Variants in TEC observed in about 807,000 individuals in gnomAD.
The protein encoded by TEC is tec protein tyrosine kinase.
Under a neutral mutation model 93.0 loss-of-function variants are expected in TEC, and 72 were observed. The ratio of observed to expected loss-of-function variants is 0.77; its 90% confidence interval spans 0.64 to 0.94. The LOEUF is 0.94. Among genes scored for constraint, TEC ranks in the 40% least tolerant of loss-of-function variants. The pLI, the probability that TEC is intolerant of heterozygous loss-of-function variation, is 0.00. For synonymous variants in TEC, 249 were observed against 247.7 expected (o/e 1.01, Z -0.05); for missense variants, 630 against 757.9 (o/e 0.83, Z 1.98).
intron 12 of TEC, 65 bp from the exon 13 acceptor site, chr4:48,145,644 G>A: frequency 4.5e-6 from 7 of 1,554,434 alleles, no homozygotes; most frequent in Non-Finnish European, 6.1e-6. Context: ...TCAGAGAGGG[G>A]GAAAAAGAAC....
intron 6 of TEC, 92 bp downstream of exon 6, chr4:48,168,494 C>T (rs908958405): frequency 7.5e-6 from 10 of 1,330,952 alleles, no homozygotes; most frequent in Admixed American, 1.9e-5. Context: ...ATGAATAAAC[C>T]GCATACTCAG....
At chr4:48,169,151 C>A (rs1393570806) in intron 5 of TEC, among the ~76,000 whole-genome samples, 1 of 152,064 alleles carries the variant, frequency 6.6e-6, no homozygotes, top group Admixed American at 6.5e-5. Context: ...CATGGGCATC[C>A]TTGACCCCCT....
intron 2 of TEC, among the ~76,000 whole-genome samples, chr4:48,220,378 T>C (rs1577650115): frequency 1.3e-5 from 2 of 151,262 alleles, no homozygotes; most frequent in Non-Finnish European, 2.9e-5. Context: ...TGGTGGGAGG[T>C]GGTTTGGGTC....
At chr4:48,168,322 C>T (rs1230513746) in intron 6 of TEC, among the ~76,000 whole-genome samples, 1 of 152,162 alleles carries the variant, frequency 6.6e-6, no homozygotes, top group Non-Finnish European at 1.5e-5. Flanking sequence ...CTTAATACAA[C>T]TCTTTAAGTG....
intron 1 of TEC, among the ~76,000 whole-genome samples, chr4:48,251,347 T>C (rs886479641): frequency 1.3e-5 from 2 of 152,174 alleles, no homozygotes; most frequent in Non-Finnish European, 1.5e-5. Context: ...CATTTCTCTC[T>C]TGCAGTTTTC....
At chr4:48,207,933 TTGAA>T (rs1328574290) in intron 2 of TEC, among the ~76,000 whole-genome samples, 1 of 152,108 alleles carries the variant, frequency 6.6e-6, no homozygotes, top group Non-Finnish European at 1.5e-5. Context: ...GAAGAGGAAA[TTGAA>T]TGAAAGAGAA....
rs868029204 is a variant in TEC at position 48,179,358 on chromosome 4, A to C, written c.139-3172T>G. 6.0e-3 allele frequency among the ~76,000 whole-genome samples: 215 copies of C among 35,950 alleles called. 5 individuals carry two copies. Among genetic ancestry groups the C allele is most frequent in the African/African-American group, 0.024 (194 of 8,162 alleles). 23.6% of individuals were successfully genotyped at this position (35,950 alleles called of 152,430 possible). ...GGGTAGTATATATATATATATATATATATATATATATATATATATTTTTTT... is the reference window on the plus strand; with the variant it reads ...GGGTAGTATATATATATATATATATCTATATATATATATATATATTTTTTT... On this transcript the variant is annotated intron_variant, in intron 2 of 17. Transcript: ENST00000381501.
intron 15 of TEC, among the ~76,000 whole-genome samples, chr4:48,139,606 C>T (rs1560370075): frequency 6.6e-6 from 1 of 152,172 alleles, no homozygotes; most frequent in Non-Finnish European, 1.5e-5. Flanking sequence ...CAAAACAATA[C>T]TATATAATTT....
At chr4:48,194,050 C>T (rs1300070246) in intron 2 of TEC, among the ~76,000 whole-genome samples, 2 of 152,160 alleles carry the variant, frequency 1.3e-5, no homozygotes, top group East Asian at 1.9e-4. Context: ...ATTCCCACCC[C>T]ACCTCCTGGT....
intron 2 of TEC, among the ~76,000 whole-genome samples, chr4:48,183,543 T>C (rs1721680802): frequency 6.6e-6 from 1 of 152,208 alleles, no homozygotes; most frequent in Admixed American, 6.5e-5. Context: ...AGCGAACTCT[T>C]TTCTTAAAGC....
In TEC at chr4:48,265,374, G is replaced by GAT. The variant is rs769471632; in HGVS notation, c.-46+4376_-46+4377dup. Among the ~76,000 whole-genome samples, 730 of 145,302 alleles carry GAT rather than the reference G, an allele frequency of 5.0e-3. 8 individuals are homozygous for GAT. The highest frequency in any genetic ancestry group is 0.011 in the Middle Eastern group (3 of 272). ...AGGGGGAAAAATTACCAATGAGATA[G>GAT]ATATATATATATATGTGTGTGTATA... On this transcript the variant is annotated intron_variant, in intron 1 of 17. Coordinates refer to ENST00000381501, the MANE Select transcript of TEC (RefSeq NM_003215.3).
At chr4:48,216,449 G>A (rs564495252) in intron 2 of TEC, among the ~76,000 whole-genome samples, 21 of 152,228 alleles carry the variant, frequency 1.4e-4, no homozygotes, top group African/African-American at 4.8e-4. Flanking sequence ...GTAGTTCATA[G>A]CATAAAAGGA....
intron 1 of TEC, among the ~76,000 whole-genome samples, chr4:48,265,052 G>C (rs1724597166): frequency 6.6e-6 from 1 of 151,910 alleles, no homozygotes; most frequent in Admixed American, 6.6e-5. Context: ...CAAATGAAAA[G>C]ACAAAAGCCG....
At chr4:48,227,641 C>CAAAA (rs34047322) in intron 2 of TEC, among the ~76,000 whole-genome samples, 6 of 84,288 alleles carry the variant, frequency 7.1e-5, no homozygotes, top group African/African-American at 8.5e-5. Flanking sequence ...GACACTGTCT[C>CAAAA]AAAAAAAAAA....
chr4:48,194,831 T>C (rs1184006546), intron 2 of TEC, among the ~76,000 whole-genome samples: 2 of 152,212 alleles, frequency 1.3e-5, no homozygotes, highest in Non-Finnish European at 2.9e-5. Context: ...CCATGGGTTT[T>C]TGTGGGTTTA....
At chr4:48,170,959 G>C (rs989872113) in intron 4 of TEC, among the ~76,000 whole-genome samples, 1 of 152,078 alleles carries the variant, frequency 6.6e-6, no homozygotes, top group South Asian at 2.1e-4. Context: ...GCTGAGGCAG[G>C]AGAATCGCTT....
chr4:48,201,958 T>TA lies in TEC; in HGVS notation c.139-25773_139-25772insT, dbSNP rs1374113567. On this transcript the variant is annotated intron_variant, in intron 2 of 17. Coordinates refer to ENST00000381501, the MANE Select transcript of TEC (RefSeq NM_003215.3). ...TTCCAAAGTACTGTGGCTTATTTTT[T>TA]TTTTTTTTTTTTTTTTGAGACAGAG... Among the ~76,000 whole-genome samples the TA allele has an allele frequency of 1.5e-4, 22 of 145,570 alleles. No individual in the cohort carries two copies. In the South Asian group the frequency reaches 3.4e-3, roughly 22 times the overall value.
chr4:48,145,490 C>T lies in TEC; in HGVS notation c.1171G>A (p.Ala391Thr), dbSNP rs1719868798. The change falls in exon 13 of 18, where the codon GCC (alanine) becomes ACC (threonine). Residue 391 changes from alanine (A) to threonine (T), a missense_variant. Physicochemically the swap from Ala to Thr is moderately conservative, Grantham distance 58. Around this residue, in one of 3 missense-constraint regions of TEC, gnomAD observed 289 missense variants for 390.0 expected, o/e 0.74. Coordinates refer to ENST00000381501, the MANE Select transcript of TEC (RefSeq NM_003215.3). ...GCTTTGATTGCGACTTTGTACTGGG[C>T]TCGCCATTTGCCAAGCCTCACCACT... The part of the protein sequence containing the change: ...FGVVRLGKWR[A>T]QYKVAIKAIR... 1.9e-6 allele frequency: 3 copies of T among 1,614,030 alleles called. No homozygotes were observed. The highest frequency in any genetic ancestry group is 2.2e-5 in the South Asian group (2 of 91,084).
intron 1 of TEC, among the ~76,000 whole-genome samples, chr4:48,266,654 A>G (rs1724643288): frequency 6.6e-6 from 1 of 152,180 alleles, no homozygotes. Context: ...CCTGATTAAC[A>G]TGGAGAAACC....
Sources: gnomAD v4.1 joint callset for allele counts (sites outside exome capture counted in the v4.1 genomes callset) on GRCh38, gnomAD v4.1.1 for gene constraint, gnomAD v4.1.1 regional missense constraint, MANE v1.5 for transcripts, NCBI Gene and HGNC (gene_info 2026-07-23, HGNC 2026-07-21) for gene names.